The following PTPRJ variants were observed in gnomAD, a reference collection of about 807,000 sequenced individuals.
PTPRJ encodes the protein protein tyrosine phosphatase receptor type J.
A neutral mutation model predicts 141.3 loss-of-function variants in PTPRJ; 129 were observed. That is an observed-to-expected ratio of 0.91 (90% CI 0.79 to 1.06). The LOEUF (loss-of-function observed/expected upper bound fraction) is 1.06, where lower values mean the gene tolerates loss of function less well. PTPRJ is among the 50% of genes least tolerant of loss of function. The probability of loss-of-function intolerance (pLI) is 0.00; values close to 1 mark genes in which losing one functional copy is unlikely to be tolerated. For synonymous variants in PTPRJ, 610 were observed against 640.5 expected (o/e 0.95, Z 0.72); for missense variants, 1,601 against 1,679.7 (o/e 0.95, Z 0.82).
chr11:47,996,255 A>C (rs761953434), intron 1 of PTPRJ, among the ~76,000 whole-genome samples: 7 of 151,102 alleles, frequency 4.6e-5, no homozygotes, highest in Non-Finnish European at 1.0e-4. Flanking sequence ...GAATGGCGTG[A>C]ACCCGGGAGG....
chr11:48,159,604 A>G (rs1157890266), intron 21 of PTPRJ, among the ~76,000 whole-genome samples: 1 of 152,166 alleles, frequency 6.6e-6, no homozygotes, highest in Non-Finnish European at 1.5e-5. Context: ...AAAAGAAAAA[A>G]CAATTCCAAC....
intron 1 of PTPRJ, among the ~76,000 whole-genome samples, chr11:48,019,632 T>A (rs987233141): frequency 6.6e-6 from 1 of 152,204 alleles, no homozygotes; most frequent in Non-Finnish European, 1.5e-5. Flanking sequence ...TTCCCCCCTA[T>A]TGTACTGAAT....
chr11:48,109,107 A>G (rs1856372411), intron 1 of PTPRJ, among the ~76,000 whole-genome samples: 1 of 152,078 alleles, frequency 6.6e-6, no homozygotes, highest in African/African-American at 2.4e-5. Flanking sequence ...GAGGGAATAA[A>G]TATGTAAAGG....
intron 4 of PTPRJ, 113 bp from the exon 5 acceptor site, chr11:48,123,500 A>G: frequency 9.0e-7 from 1 of 1,116,480 alleles, no homozygotes; most frequent in Non-Finnish European, 1.2e-6. Flanking sequence ...GACCTCAGTC[A>G]TTCTTTCTTT....
intron 1 of PTPRJ, among the ~76,000 whole-genome samples, chr11:48,065,484 A>G (rs926082683): frequency 1.3e-5 from 2 of 152,122 alleles, no homozygotes; most frequent in Non-Finnish European, 2.9e-5. Context: ...TCACGTTTAC[A>G]TGTTCTAGAA....
intron 1 of PTPRJ, chr11:48,046,377 A>G (rs991940513): frequency 6.6e-6 from 1 of 152,318 alleles, no homozygotes; most frequent in South Asian, 2.1e-4. Context: ...TAATCTTCAC[A>G]GTGGTACAAT....
Position 48,156,740 on chromosome 11 carries a change from C to A in PTPRJ, c.3438+621C>A, listed in dbSNP as rs567562546. ...TAGCTGGGACTACAGGCGTGCACCA[C>A]ATGCCTGGATAATTTTTTTTATTTT... On this transcript the variant is annotated intron_variant, in intron 21 of 24. Coordinates refer to ENST00000418331, the MANE Select transcript of PTPRJ (RefSeq NM_002843.4). Among the ~76,000 whole-genome samples the A allele has an allele frequency of 2.0e-5, 3 of 152,104 alleles. No homozygotes were observed. The South Asian group carries it at 6.2e-4, about 32-fold the overall frequency.
chr11:47,985,846 G>A (rs995419056), intron 1 of PTPRJ, among the ~76,000 whole-genome samples: 7 of 152,076 alleles, frequency 4.6e-5, no homozygotes, highest in Admixed American at 3.9e-4. Context: ...GATTACAGAC[G>A]TGCGCTACCA....
chr11:48,117,200 A>G (rs1402240323), intron 3 of PTPRJ, among the ~76,000 whole-genome samples: 1 of 152,224 alleles, frequency 6.6e-6, no homozygotes, highest in Non-Finnish European at 1.5e-5. Context: ...GGGATACACC[A>G]AAAGCAGCCC....
intron 1 of PTPRJ, among the ~76,000 whole-genome samples, chr11:48,069,127 TCTCG>T (rs1341193435): frequency 6.7e-6 from 1 of 150,228 alleles, no homozygotes; most frequent in Non-Finnish European, 1.5e-5. Context: ...TCAGATGGAG[TCTCG>T]CTCTGATGCC....
chr11:48,149,153 A>G (rs947099299), intron 15 of PTPRJ, among the ~76,000 whole-genome samples: 12 of 152,234 alleles, frequency 7.9e-5, no homozygotes, highest in Non-Finnish European at 1.6e-4. Context: ...ACATTAAAGT[A>G]ATGCCACTGC....
At position 48,125,050 on chromosome 11, in the gene PTPRJ, A is replaced by G; in HGVS notation, c.957A>G (p.Pro319=). ...AGTCCCTCGTGGGACCTGTGGACCC[A>G]TCCTCCGGCCAGCAGTCCCGAGACA... ...HDESLVGPVD[P]SSGQQSRDTE... Residue 319 remains proline, a synonymous_variant, in exon 6 of 25, where the codon CCA becomes CCG. Transcript: ENST00000418331. 1 of 1,614,154 alleles carries G rather than the reference A, an allele frequency of 6.2e-7. No homozygotes were observed. Among genetic ancestry groups the G allele is most frequent in the Non-Finnish European group, 8.5e-7 (1 of 1,180,012 alleles).
At chr11:48,130,390 C>G (rs1180114711) in intron 7 of PTPRJ, 69 bp from the exon 8 acceptor site, 3 of 1,454,220 alleles carry the variant, frequency 2.1e-6, no homozygotes. Flanking sequence ...TCAGTATTTT[C>G]TGAGGTGGGG....
chr11:48,082,550 A>T (rs1490840390), intron 1 of PTPRJ, among the ~76,000 whole-genome samples: 1 of 145,758 alleles, frequency 6.9e-6, no homozygotes, highest in Non-Finnish European at 1.5e-5. Context: ...GAGCCTCCTT[A>T]ATTTTTTATT....
At chr11:48,034,538 T>C (rs1329326517) in intron 1 of PTPRJ, among the ~76,000 whole-genome samples, 1 of 152,222 alleles carries the variant, frequency 6.6e-6, no homozygotes, top group African/African-American at 2.4e-5. Flanking sequence ...ATTTGTATAA[T>C]AAATCATTAG....
At chr11:48,063,916 T>TTG (rs1855006048) in intron 1 of PTPRJ, among the ~76,000 whole-genome samples, 1 of 134,634 alleles carries the variant, frequency 7.4e-6, no homozygotes, top group Admixed American at 7.1e-5. Flanking sequence ...AGTTCTCAGC[T>TTG]TATGTGTGTG....
At position 48,168,999 on chromosome 11, in the gene PTPRJ, G is replaced by A. The variant is rs372474850; in HGVS notation, c.*1637G>A. ...GTGTCCTGCTGTAAACAGGACAGGTGTGTCCTGTTGAGAATGTGAGCGGGC... is the reference window on the plus strand; with the variant it reads ...GTGTCCTGCTGTAAACAGGACAGGTATGTCCTGTTGAGAATGTGAGCGGGC... On this transcript the variant is annotated 3_prime_UTR_variant, in exon 25 of 25. Transcript: ENST00000418331. 2.6e-5 allele frequency: 4 copies of A among 152,134 alleles called. No individual in the cohort carries two copies. Among genetic ancestry groups the A allele is most frequent in the Non-Finnish European group, 2.9e-5 (2 of 68,042 alleles). 9.4% of individuals were successfully genotyped at this position (152,134 alleles called of 1,614,324 possible). A position where few individuals can be genotyped will look rare whatever the true frequency, so the allele number is the denominator to read the frequency against.
intron 1 of PTPRJ, among the ~76,000 whole-genome samples, chr11:48,082,965 G>T (rs1855604706): frequency 6.6e-6 from 1 of 152,156 alleles, no homozygotes; most frequent in Admixed American, 6.5e-5. Context: ...TAAACAGATG[G>T]TGTGGTTGGC....
chr11:47,985,671 C>CATTTATTTATTTATTT (rs139376265), intron 1 of PTPRJ, among the ~76,000 whole-genome samples: 1 of 135,980 alleles, frequency 7.4e-6, no homozygotes. Context: ...AGGTGGCAGA[C>CATTTATTTATTTATTT]ATTTATTTAT....
Sources: allele counts gnomAD v4.1 joint callset (sites outside exome capture counted in the v4.1 genomes callset), GRCh38; gene constraint gnomAD v4.1.1; transcripts MANE v1.5; gene names NCBI Gene and HGNC (gene_info 2026-07-23, HGNC 2026-07-21).